The following NALCN variants were observed in gnomAD, a reference collection of about 807,000 sequenced individuals.
NALCN encodes the protein sodium leak channel NALCN.
A neutral mutation model predicts 225.3 loss-of-function variants in NALCN; 111 were observed. The ratio of observed to expected loss-of-function variants is 0.49; its 90% CI spans 0.42 to 0.58. The LOEUF is 0.58. Ranked by LOEUF, NALCN falls within the 20% of genes least tolerant of loss-of-function variation. The probability of loss-of-function intolerance (pLI) is 0.00; values close to 1 mark genes in which losing one functional copy is unlikely to be tolerated. For synonymous variants in NALCN, 764 were observed against 769.0 expected (o/e 0.99, Z 0.11); for missense variants, 1,378 against 2,202.4 (o/e 0.63, Z 7.49).
intron 14 of NALCN, among the ~76,000 whole-genome samples, chr13:101,181,974 G>A (rs956477110): frequency 1.8e-3 from 273 of 151,596 alleles, no homozygotes; most frequent in African/African-American, 6.3e-3. Context: ...TCTACTAAAA[G>A]TACAAAAAAA....
intron 17 of NALCN, among the ~76,000 whole-genome samples, chr13:101,141,170 T>C (rs975637526): frequency 5.3e-5 from 8 of 152,016 alleles, no homozygotes; most frequent in African/African-American, 1.9e-4. Flanking sequence ...AGAGTAACAA[T>C]TGAACGCAAA....
At position 101,287,847 on chromosome 13, in the gene NALCN, T is replaced by A. The variant is rs556637463; in HGVS notation, c.1048-3828A>T. ...CATTATAGGCATAATATCATCATCA[T>A]CAACAACATGAATAACAGGTTATCT... On this transcript the variant is annotated intron_variant, in intron 9 of 43. Transcript: ENST00000251127. 2.6e-5 allele frequency among the ~76,000 whole-genome samples: 4 copies of A among 152,270 alleles called. No homozygotes were observed. The South Asian group carries it at 6.2e-4, about 24-fold the overall frequency.
chr13:101,377,147 G>A, intron 4 of NALCN, 91 bp from the exon 5 acceptor site: 1 of 1,488,658 alleles, frequency 6.7e-7, no homozygotes, highest in Non-Finnish European at 9.2e-7. Context: ...GCATAAGTAG[G>A]TGCACCTCTA....
chr13:101,131,303 T>C (rs574786677), intron 17 of NALCN, among the ~76,000 whole-genome samples: 2 of 152,304 alleles, frequency 1.3e-5, no homozygotes, highest in Admixed American at 1.3e-4. Context: ...TTGTCTACAG[T>C]GAGAGACAGT....
chr13:101,182,077 T>C (rs187508862), intron 14 of NALCN, among the ~76,000 whole-genome samples: 1,706 of 126,900 alleles, frequency 0.013, 41 homozygotes, highest in African/African-American at 0.049. Context: ...GAGCTTGCAG[T>C]GAGCCGAGAT....
intron 15 of NALCN, among the ~76,000 whole-genome samples, chr13:101,154,485 C>A (rs941398709): frequency 2.0e-5 from 3 of 152,186 alleles, no homozygotes; most frequent in African/African-American, 4.8e-5. Flanking sequence ...AAATTAGGCA[C>A]ATCTTCCTCT....
intron 40 of NALCN, 59 bp from the exon 41 acceptor site, chr13:101,062,177 A>C: frequency 6.3e-7 from 1 of 1,576,014 alleles, no homozygotes; most frequent in Non-Finnish European, 8.6e-7. Flanking sequence ...TTACACCCTT[A>C]GATACGTCAA....
Position 101,056,632 on chromosome 13 carries a change from C to CCCAGGTCACCTCTCCTATCTGT in NALCN, c.5024-1166_5024-1145dup, listed in dbSNP as rs371671858. 4.7e-3 allele frequency among the ~76,000 whole-genome samples: 710 copies of CCCAGGTCACCTCTCCTATCTGT among 152,186 alleles called. 11 individuals carry two copies. Among genetic ancestry groups the CCCAGGTCACCTCTCCTATCTGT allele is most frequent in the African/African-American group, 0.016 (664 of 41,492 alleles). On this transcript the variant is annotated intron_variant, in intron 43 of 43. Coordinates refer to ENST00000251127, the MANE Select transcript of NALCN (RefSeq NM_052867.4). ...TGAATACCAAGGACTGTGCATTCTC[C>CCCAGGTCACCTCTCCTATCTGT]CCAGGTCACCTCTCCTATCTGTCCC...
chr13:101,124,628 G>C lies in NALCN; in HGVS notation c.2172C>G (p.Thr724=). The change falls in exon 18 of 44, where the codon ACC becomes ACG. Residue 724 remains threonine, a synonymous_variant. Coordinates refer to ENST00000251127, the MANE Select transcript of NALCN (RefSeq NM_052867.4). ...IRARNLLEKE[T]AVTKILRACT... is the part of the protein sequence containing the mutation. ...GTTACCTTAAGATTTTAGTGACTGC[G>C]GTCTCCTTTTCCAGAAGGTTCCTTG... 6.2e-7 allele frequency: 1 copy of C among 1,613,722 alleles called. No homozygotes were observed. Among genetic ancestry groups the C allele is most frequent in the Admixed American group, 1.7e-5 (1 of 59,970 alleles).
chr13:101,376,762 A>T lies in NALCN; in HGVS notation c.582T>A (p.Ile194=). 6.2e-7 allele frequency: 1 copy of T among 1,613,694 alleles called. No homozygotes were observed. ...ATGTTCCAAACATCTGAACTCCTAA[A>T]ATTCCATAAAGAAGTAGAAAGAAAA... ...FLLFFLLLYG[I]LGVQMFGTFT... The change falls in exon 6 of 44, where the codon ATT becomes ATA. Residue 194 remains isoleucine, a synonymous_variant. Coordinates refer to ENST00000251127, the MANE Select transcript of NALCN (RefSeq NM_052867.4).
Position 101,055,432 on chromosome 13 carries a change from T to C in NALCN, c.5080A>G (p.Thr1694Ala). ...SSVNLRFGGR[T>A]TMKSVVCKMN... ...TTGCACACGACAGATTTCATGGTTG[T>C]CCTTCCTCCAAACCGTAAGTTGACT... The change falls in exon 44 of 44, where the codon ACA becomes GCA. Residue 1694 changes from threonine (T) to alanine (A), a missense_variant. Physicochemically the swap from Thr to Ala is moderately conservative, Grantham distance 58 (BLOSUM62 0). Around this residue, in one of 19 missense-constraint regions of NALCN, gnomAD observed 145 missense variants for 169.6 expected, o/e 0.85. Coordinates refer to ENST00000251127, the MANE Select transcript of NALCN (RefSeq NM_052867.4). The C allele has an allele frequency of 6.2e-7, 1 of 1,614,150 alleles. No homozygotes were observed. The highest frequency in any genetic ancestry group is 8.5e-7 in the Non-Finnish European group (1 of 1,180,010).
At position 101,317,047 on chromosome 13, in the gene NALCN, A is replaced by C. The variant is rs371101593; in HGVS notation, c.800-24681T>G. Reference sequence around the variant, plus strand: ...TATTGAAATGCACAGTGTTCAATATATTTTTTTTAGCTTCATCTCCTCATC... The same window carrying C: ...TATTGAAATGCACAGTGTTCAATATCTTTTTTTTAGCTTCATCTCCTCATC... On this transcript the variant is annotated intron_variant, in intron 7 of 43. Coordinates refer to ENST00000251127, the MANE Select transcript of NALCN (RefSeq NM_052867.4). 2.3e-4 allele frequency among the ~76,000 whole-genome samples: 35 copies of C among 151,898 alleles called. No individual in the cohort carries two copies. In the East Asian group the frequency reaches 6.4e-3, roughly 28 times the overall value.
chr13:101,386,382 G>A (rs771123771), intron 3 of NALCN, among the ~76,000 whole-genome samples: 4 of 152,146 alleles, frequency 2.6e-5, no homozygotes, highest in Non-Finnish European at 5.9e-5. Flanking sequence ...AGTGAACCAG[G>A]TTTTCTCTGA....
chr13:101,360,122 TTTC>T (rs1381139296), intron 6 of NALCN, among the ~76,000 whole-genome samples: 2 of 149,134 alleles, frequency 1.3e-5, no homozygotes, highest in Admixed American at 6.6e-5. Flanking sequence ...TTTTCTTTCC[TTTC>T]TTTTTTCTTT....
chr13:101,349,210 T>C (rs1316775558), intron 6 of NALCN, among the ~76,000 whole-genome samples: 2 of 152,188 alleles, frequency 1.3e-5, no homozygotes, highest in East Asian at 3.8e-4. Flanking sequence ...CTCCCTCTTT[T>C]AACTTTTTAG....
intron 7 of NALCN, among the ~76,000 whole-genome samples, chr13:101,303,388 GCA>G (rs552438057): frequency 3.6e-3 from 542 of 152,264 alleles, no homozygotes; most frequent in Middle Eastern, 0.027. Context: ...GCCGTCATTA[GCA>G]CAGAGAGAGG....
chr13:101,359,347 A>G (rs1381196519), intron 6 of NALCN, among the ~76,000 whole-genome samples: 1 of 152,202 alleles, frequency 6.6e-6, no homozygotes, highest in Non-Finnish European at 1.5e-5. Context: ...ACTACTTAAA[A>G]TCAACATTAC....
At chr13:101,142,717 T>C in intron 17 of NALCN, 1 of 263,464 alleles carries the variant, frequency 3.8e-6, no homozygotes, top group Non-Finnish European at 7.5e-6. Context: ...CTCTCTGATG[T>C]AATAAGTAGA....
intron 34 of NALCN, among the ~76,000 whole-genome samples, chr13:101,078,522 T>C (rs1248069721): frequency 1.3e-5 from 2 of 152,210 alleles, no homozygotes; most frequent in African/African-American, 2.4e-5. Context: ...GACTGCCCTA[T>C]TGGATTTTGG....
Sources: gnomAD v4.1 joint callset for allele counts (sites outside exome capture counted in the v4.1 genomes callset) on GRCh38, gnomAD v4.1.1 for gene constraint, gnomAD v4.1.1 regional missense constraint, MANE v1.5 for transcripts, NCBI Gene and HGNC (gene_info 2026-07-23, HGNC 2026-07-21) for gene names.